Variants in RAB3C observed in about 807,000 individuals in gnomAD.
RAB3C encodes the protein RAB3C, member RAS oncogene family, also known as ras-related protein Rab-3C.
Under a neutral mutation model 26.4 loss-of-function variants are expected in RAB3C, and 17 were observed. That is an observed-to-expected ratio of 0.64 (90% confidence interval 0.44 to 0.97). The LOEUF (loss-of-function observed/expected upper bound fraction) is 0.97. Ranked by LOEUF, RAB3C falls within the 50% of genes least tolerant of loss-of-function variation. The pLI is 0.00. For synonymous variants in RAB3C, 91 were observed against 95.9 expected (o/e 0.95, Z 0.30); for missense variants, 242 against 281.9 (o/e 0.86, Z 1.01).
At chr5:58,811,577 A>G (rs943542792) in intron 3 of RAB3C, among the ~76,000 whole-genome samples, 2 of 152,266 alleles carry the variant, frequency 1.3e-5, no homozygotes, top group Non-Finnish European at 2.9e-5. Flanking sequence ...GATGAAGTCC[A>G]TTACTGGGCC....
chr5:58,682,077 A>G (rs1748355644), intron 2 of RAB3C, among the ~76,000 whole-genome samples: 1 of 152,144 alleles, frequency 6.6e-6, no homozygotes, highest in Non-Finnish European at 1.5e-5. Flanking sequence ...TCATGAGGAG[A>G]AACATTTGTA....
chr5:58,730,428 G>T (rs293008), intron 3 of RAB3C, among the ~76,000 whole-genome samples: 82,318 of 151,774 alleles, frequency 0.54, 22,722 homozygotes, highest in Non-Finnish European at 0.6. Context: ...GTGGTTGTGG[G>T]TGAGGAAGCT....
chr5:58,583,137 G>C lies in RAB3C; in HGVS notation c.-72G>C, dbSNP rs1745938255. On this transcript the variant is annotated 5_prime_UTR_variant, in exon 1 of 5. Transcript: ENST00000282878. ...TGCAGAGTGTGGAGCGTGGAGCGCC[G>C]GGACTGTGCACGCTTGACCGGAAGC... 2.9e-5 allele frequency: 46 copies of C among 1,611,256 alleles called. No individual in the cohort carries two copies. In the South Asian group the frequency reaches 4.6e-4, roughly 16 times the overall value.
intron 1 of RAB3C, 75 bp downstream of exon 1, chr5:58,583,307 G>T (rs1028362889): frequency 8.7e-6 from 14 of 1,604,232 alleles, no homozygotes; most frequent in Non-Finnish European, 1.2e-5. Flanking sequence ...CGCACAAGCA[G>T]TTCAACGTAA....
intron 4 of RAB3C, among the ~76,000 whole-genome samples, chr5:58,827,585 C>T (rs1743514916): frequency 6.6e-6 from 1 of 152,172 alleles, no homozygotes; most frequent in Non-Finnish European, 1.5e-5. Context: ...CAAACCCTTT[C>T]CATTCAGTAG....
intron 3 of RAB3C, chr5:58,823,654 A>G: frequency 4.8e-6 from 1 of 209,922 alleles, no homozygotes; most frequent in Admixed American, 4.2e-5. Flanking sequence ...CAGAAGAAAG[A>G]TCAGGTAGCT....
chr5:58,711,665 TATC>T (rs1749064839), intron 2 of RAB3C, among the ~76,000 whole-genome samples: 1 of 152,292 alleles, frequency 6.6e-6, no homozygotes, highest in South Asian at 2.1e-4. Flanking sequence ...AGATAGATGA[TATC>T]ATCATTATTT....
chr5:58,652,700 GAAA>G (rs36112651), intron 2 of RAB3C, among the ~76,000 whole-genome samples: 2,592 of 146,388 alleles, frequency 0.018, 63 homozygotes, highest in African/African-American at 0.053. Context: ...CTTGATAAAG[GAAA>G]AAAAAAAAAA....
chr5:58,711,464 G>A (rs1450772937), intron 2 of RAB3C, among the ~76,000 whole-genome samples: 1 of 152,184 alleles, frequency 6.6e-6, no homozygotes, highest in Non-Finnish European at 1.5e-5. Flanking sequence ...GAGGTTAGAT[G>A]ATATTTCTGA....
Position 58,778,603 on chromosome 5 carries a change from TATC to T in RAB3C, c.372-46432_372-46430del, listed in dbSNP as rs201164352. On this transcript the variant is annotated intron_variant, in intron 3 of 4. Transcript: ENST00000282878. ...ACTTCCTTGCTTTTCTTGTCCTACT[TATC>T]ATGAAGCATTAGGAATGAGCCCATC... Among the ~76,000 whole-genome samples, 880 of 152,264 alleles carry T rather than the reference TATC, an allele frequency of 5.8e-3. 11 individuals carry two copies. The highest frequency in any genetic ancestry group is 0.02 in the Middle Eastern group (6 of 294).
intron 2 of RAB3C, among the ~76,000 whole-genome samples, chr5:58,693,310 AAAAT>A (rs1748609876): frequency 7.5e-6 from 1 of 132,706 alleles, no homozygotes; most frequent in African/African-American, 3.0e-5. Flanking sequence ...TTATATAAAT[AAAAT>A]TAAGAAATTA....
intron 3 of RAB3C, among the ~76,000 whole-genome samples, chr5:58,801,900 C>G (rs1742816440): frequency 6.6e-6 from 1 of 152,246 alleles, no homozygotes; most frequent in African/African-American, 2.4e-5. Context: ...GCAACTGCTA[C>G]TGACTTCATG....
chr5:58,830,011 G>T (rs1443198126), intron 4 of RAB3C, among the ~76,000 whole-genome samples: 1 of 152,048 alleles, frequency 6.6e-6, no homozygotes, highest in African/African-American at 2.4e-5. Context: ...CAAATATTAT[G>T]AACACGTAAA....
intron 1 of RAB3C, among the ~76,000 whole-genome samples, chr5:58,595,132 C>T (rs999474854): frequency 5.3e-5 from 8 of 152,114 alleles, no homozygotes; most frequent in Non-Finnish European, 1.0e-4. Context: ...AGGCCTTCTT[C>T]CACAGAGTTT....
chr5:58,597,073 TATA>T (rs368702653), intron 1 of RAB3C, among the ~76,000 whole-genome samples: 2 of 54,814 alleles, frequency 3.6e-5, no homozygotes, highest in African/African-American at 8.0e-5. Flanking sequence ...ATATATATTA[TATA>T]ATAATATATA....
intron 4 of RAB3C, among the ~76,000 whole-genome samples, chr5:58,825,672 C>T (rs944710239): frequency 2.0e-5 from 3 of 152,046 alleles, no homozygotes; most frequent in Non-Finnish European, 2.9e-5. Context: ...TATCATAGCC[C>T]GTGCCTATTT....
rs539940425 is a variant in RAB3C, at chr5:58,698,788, G to T, written c.253-27214G>T. 9.2e-5 allele frequency among the ~76,000 whole-genome samples: 14 copies of T among 152,168 alleles called. No individual in the cohort carries two copies. In the East Asian group the frequency reaches 2.5e-3, roughly 27 times the overall value. On this transcript the variant is annotated intron_variant, in intron 2 of 4. Coordinates refer to ENST00000282878, the MANE Select transcript of RAB3C (RefSeq NM_138453.4). ...TTTCAGCTCCATCAGGTCATTTAAGGTCTTCTCTACACTGTTTATTCTAGT... is the reference window on the plus strand; with the variant it reads ...TTTCAGCTCCATCAGGTCATTTAAGTTCTTCTCTACACTGTTTATTCTAGT...
At chr5:58,589,005 C>CA (rs1462049438) in intron 1 of RAB3C, among the ~76,000 whole-genome samples, 12 of 152,104 alleles carry the variant, frequency 7.9e-5, no homozygotes, top group Non-Finnish European at 1.3e-4. Flanking sequence ...GAAGACCTTC[C>CA]GTTTTTTATC....
chr5:58,682,677 C>G (rs1748370768), intron 2 of RAB3C, among the ~76,000 whole-genome samples: 1 of 149,326 alleles, frequency 6.7e-6, no homozygotes, highest in Admixed American at 6.6e-5. Flanking sequence ...GAGTGAGACT[C>G]CGTCTCAAAA....
Sources: allele counts gnomAD v4.1 joint callset (sites outside exome capture counted in the v4.1 genomes callset), GRCh38; gene constraint gnomAD v4.1.1; transcripts MANE v1.5; gene names NCBI Gene and HGNC (gene_info 2026-07-23, HGNC 2026-07-21).